RPS6KC1: variants seen among roughly 807,000 people sequenced by gnomAD.
RPS6KC1 encodes ribosomal protein S6 kinase C1.
Under a neutral mutation model 103.8 loss-of-function variants are expected in RPS6KC1, and 54 were observed. The ratio of observed to expected loss-of-function variants is 0.52; its 90% CI spans 0.42 to 0.65. The LOEUF (loss-of-function observed/expected upper bound fraction) is 0.65, where lower values mean the gene tolerates loss of function less well. Ranked by LOEUF, RPS6KC1 falls within the 30% of genes least tolerant of loss-of-function variation. RPS6KC1 has a pLI of 0.00. For synonymous variants in RPS6KC1, 439 were observed against 438.7 expected (o/e 1.00, Z -0.01); for missense variants, 1,151 against 1,253.8 (o/e 0.92, Z 1.24).
the RPS6KC1 span, among the ~76,000 whole-genome samples, chr1:213,552,691 C>T: frequency 6.6e-6 from 1 of 152,190 alleles, no homozygotes; most frequent in Admixed American, 6.5e-5. Context: ...CTCCATATGG[C>T]ACCAATATTA....
chr1:213,690,218 T>C, the RPS6KC1 span, among the ~76,000 whole-genome samples: 1 of 152,228 alleles, frequency 6.6e-6, no homozygotes, highest in Non-Finnish European at 1.5e-5. Flanking sequence ...CATCTTTTTC[T>C]TCTCTTTTGT....
the RPS6KC1 span, among the ~76,000 whole-genome samples, chr1:213,734,065 C>G: frequency 6.6e-6 from 1 of 152,108 alleles, no homozygotes; most frequent in Non-Finnish European, 1.5e-5. Flanking sequence ...TATATATAGC[C>G]CAGGATTCAG....
chr1:213,475,546 GA>G, the RPS6KC1 span, among the ~76,000 whole-genome samples: 83 of 152,260 alleles, frequency 5.5e-4, no homozygotes, highest in African/African-American at 1.6e-3. Flanking sequence ...ATGGGTAAAA[GA>G]ACATGCCGGT....
At chr1:213,710,771 A>G in the RPS6KC1 span, among the ~76,000 whole-genome samples, 4 of 152,036 alleles carry the variant, frequency 2.6e-5, no homozygotes, top group African/African-American at 7.2e-5. Flanking sequence ...TCCTTTATTT[A>G]TGGAGCTTAG....
chr1:213,821,563 C>T, the RPS6KC1 span: 2 of 152,138 alleles, frequency 1.3e-5, no homozygotes, highest in Non-Finnish European at 2.9e-5. Flanking sequence ...TGTTTTGGTC[C>T]TTACTTTCTC....
chr1:213,356,357 AG>A, the RPS6KC1 span, among the ~76,000 whole-genome samples: 2 of 152,222 alleles, frequency 1.3e-5, no homozygotes, highest in Admixed American at 1.3e-4. Context: ...CAGTGACCCA[AG>A]TAAAACCTGC....
At chr1:213,739,996 A>C in the RPS6KC1 span, among the ~76,000 whole-genome samples, 36 of 152,294 alleles carry the variant, frequency 2.4e-4, no homozygotes, top group Non-Finnish European at 4.4e-4. Context: ...TCCAGGGTGG[A>C]GCAAAATGAG....
chr1:213,423,827 C>T, the RPS6KC1 span, among the ~76,000 whole-genome samples: 358 of 152,228 alleles, frequency 2.4e-3, 1 homozygote, highest in Non-Finnish European at 4.2e-3. Flanking sequence ...GGCATGGGCT[C>T]GGTGAATAGC....
At chr1:213,773,487 A>G in the RPS6KC1 span, among the ~76,000 whole-genome samples, 1 of 148,442 alleles carries the variant, frequency 6.7e-6, no homozygotes, top group Admixed American at 6.8e-5. Context: ...ATCGATATAT[A>G]GATATATAAT....
chr1:213,127,872 T>A (rs1487287002), intron 5 of RPS6KC1, among the ~76,000 whole-genome samples: 1 of 152,188 alleles, frequency 6.6e-6, no homozygotes, highest in African/African-American at 2.4e-5. Flanking sequence ...GGAACCAGTA[T>A]TTTCAGGATG....
the RPS6KC1 span, among the ~76,000 whole-genome samples, chr1:213,729,604 A>C: frequency 3.3e-3 from 507 of 152,216 alleles, 2 homozygotes; most frequent in Non-Finnish European, 5.1e-3. Flanking sequence ...CAGTCCATTC[A>C]TAGAATCCTC....
At chr1:213,364,191 C>A in the RPS6KC1 span, among the ~76,000 whole-genome samples, 1 of 152,134 alleles carries the variant, frequency 6.6e-6, no homozygotes, top group Non-Finnish European at 1.5e-5. Context: ...ACTTTATTTA[C>A]AAAAACAGGC....
chr1:213,539,418 G>A, the RPS6KC1 span, among the ~76,000 whole-genome samples: 1 of 152,202 alleles, frequency 6.6e-6, no homozygotes, highest in Admixed American at 6.5e-5. Flanking sequence ...CTGACCCAAA[G>A]CACAGCAGTT....
the RPS6KC1 span, among the ~76,000 whole-genome samples, chr1:213,396,638 G>A: frequency 2.0e-5 from 3 of 152,206 alleles, no homozygotes; most frequent in Non-Finnish European, 4.4e-5. Context: ...TTCCAGAGAG[G>A]CTGCTGCCCC....
chr1:213,545,415 TA>T, the RPS6KC1 span, among the ~76,000 whole-genome samples: 17,586 of 88,400 alleles, frequency 0.2, 1,220 homozygotes, highest in Middle Eastern at 0.23. Flanking sequence ...AATAAATAAA[TA>T]AAATAAAATA....
the RPS6KC1 span, among the ~76,000 whole-genome samples, chr1:213,367,178 T>C: frequency 1.3e-5 from 2 of 152,214 alleles, no homozygotes; most frequent in African/African-American, 4.8e-5. Flanking sequence ...TAGAGTAGGA[T>C]TGTAGCCTCC....
intron 8 of RPS6KC1, among the ~76,000 whole-genome samples, chr1:213,182,504 A>C (rs963062480): frequency 9.9e-5 from 15 of 152,092 alleles, no homozygotes; most frequent in Non-Finnish European, 1.9e-4. Context: ...CAAACAAAAA[A>C]TACTGTAGAT....
chr1:213,423,297 G>T, the RPS6KC1 span, among the ~76,000 whole-genome samples: 7 of 152,212 alleles, frequency 4.6e-5, no homozygotes, highest in African/African-American at 1.7e-4. Context: ...TCAGGTAGCA[G>T]ATCTGCCAGA....
In RPS6KC1 at chr1:213,129,814, G is replaced by C; in HGVS notation, c.760G>C (p.Glu254Gln). 6.2e-7 allele frequency: 1 copy of C among 1,613,522 alleles called. No homozygotes were observed. The highest frequency in any genetic ancestry group is 2.2e-5 in the East Asian group (1 of 44,866). ...ATTAATAAAGCTGGCTTTAAAAAAG[G>C]AAGAAGAAGACGACTATGAAGCTGC... ...GELIKLALKK[E>Q]EEDDYEAASD... The change falls in exon 6 of 15, where the codon GAA becomes CAA. Residue 254 changes from glutamate (E) to glutamine (Q), a missense_variant. This residue lies in a region of RPS6KC1 where 959 missense variants were observed against 1,006.3 expected (regional missense o/e 0.95). Transcript: ENST00000366960.
Sources: allele counts gnomAD v4.1 joint callset (sites outside exome capture counted in the v4.1 genomes callset), GRCh38; gene constraint gnomAD v4.1.1; regional missense constraint gnomAD v4.1.1; transcripts MANE v1.5; gene names NCBI Gene and HGNC (gene_info 2026-07-23, HGNC 2026-07-21).